TXNDC16: variants seen among roughly 807,000 people sequenced by gnomAD.
The protein encoded by TXNDC16 is thioredoxin domain-containing protein 16.
Under a neutral mutation model 85.6 loss-of-function variants are expected in TXNDC16, and 74 were observed. That is an observed-to-expected ratio of 0.86 (90% CI 0.72 to 1.05). The LOEUF (loss-of-function observed/expected upper bound fraction) is 1.05, where lower values mean the gene tolerates loss of function less well. Ranked by LOEUF, TXNDC16 falls within the 50% of genes least tolerant of loss-of-function variation. The pLI, the probability that TXNDC16 is intolerant of heterozygous loss-of-function variation, is 0.00. For synonymous variants in TXNDC16, 335 were observed against 326.5 expected, an observed-to-expected ratio of 1.03 and a Z score of -0.28; for missense variants, 959 against 947.0, an observed-to-expected ratio of 1.01 and a Z score of -0.17.
chr14:52,527,112 G>A (rs903761116), intron 6 of TXNDC16, among the ~76,000 whole-genome samples: 1 of 152,194 alleles, frequency 6.6e-6, no homozygotes, highest in African/African-American at 2.4e-5. Flanking sequence ...TTGTTTCCCT[G>A]AGTTCTGTGA....
intron 14 of TXNDC16, among the ~76,000 whole-genome samples, chr14:52,480,814 T>C (rs2036126526): frequency 6.6e-6 from 1 of 151,658 alleles, no homozygotes; most frequent in African/African-American, 2.4e-5. Context: ...CCACTACTGG[T>C]TACCCAAAGG....
intron 20 of TXNDC16, among the ~76,000 whole-genome samples, chr14:52,436,611 A>G (rs1038059885): frequency 1.3e-5 from 2 of 152,198 alleles, no homozygotes; most frequent in Admixed American, 6.5e-5. Flanking sequence ...ATTTTATTTA[A>G]GCATAATATG....
intron 9 of TXNDC16, among the ~76,000 whole-genome samples, chr14:52,507,369 A>G (rs1216656545): frequency 6.6e-6 from 1 of 152,044 alleles, no homozygotes; most frequent in East Asian, 1.9e-4. Context: ...GATGTGAAGG[A>G]CCTCTTCAAG....
intron 16 of TXNDC16, among the ~76,000 whole-genome samples, chr14:52,465,711 C>T (rs1447290911): frequency 2.0e-5 from 3 of 151,822 alleles, no homozygotes; most frequent in Non-Finnish European, 2.9e-5. Flanking sequence ...CTATGTGTAC[C>T]CTTCCTTAAA....
Position 52,480,963 on chromosome 14 carries a change from A to G in TXNDC16, c.1312+1267T>C, listed in dbSNP as rs77113253. On this transcript the variant is annotated intron_variant, in intron 14 of 20. Transcript: ENST00000281741. The stretch of plus-strand genomic sequence containing the variant: ...CACTGTGGTGTGTGTGTGTGTGTGT[A>G]TATATATATATGTATATATATATAT... 2.6e-3 allele frequency among the ~76,000 whole-genome samples: 201 copies of G among 76,068 alleles called. 1 individual carries two copies. The highest frequency in any genetic ancestry group is 7.5e-3 in the African/African-American group (170 of 22,534). 49.9% of individuals were successfully genotyped at this position (76,068 alleles called of 152,430 possible). A position where few individuals can be genotyped will look rare whatever the true frequency, so the allele number is the denominator to read the frequency against.
intron 18 of TXNDC16, among the ~76,000 whole-genome samples, chr14:52,443,872 G>A (rs1250009468): frequency 6.6e-6 from 1 of 152,124 alleles, no homozygotes; most frequent in Non-Finnish European, 1.5e-5. Context: ...AGATTTGTGA[G>A]TTTAGAAGGA....
intron 16 of TXNDC16, among the ~76,000 whole-genome samples, chr14:52,463,240 C>T (rs1388031332): frequency 6.6e-6 from 1 of 151,078 alleles, no homozygotes; most frequent in Non-Finnish European, 1.5e-5. Flanking sequence ...TAGCTCAGAA[C>T]ACAAAGCCGT....
At chr14:52,468,959 C>A (rs1435380982) in intron 16 of TXNDC16, among the ~76,000 whole-genome samples, 2 of 151,542 alleles carry the variant, frequency 1.3e-5, no homozygotes, top group African/African-American at 2.4e-5. Flanking sequence ...GGAACCTAAA[C>A]TCATTATATG....
chr14:52,443,415 T>G (rs1175757222), intron 18 of TXNDC16, among the ~76,000 whole-genome samples: 1 of 152,208 alleles, frequency 6.6e-6, no homozygotes, highest in Non-Finnish European at 1.5e-5. Flanking sequence ...ATATCTATCC[T>G]ATTAGTTCTG....
intron 16 of TXNDC16, among the ~76,000 whole-genome samples, chr14:52,466,661 T>C (rs2035783024): frequency 6.6e-6 from 1 of 151,902 alleles, no homozygotes; most frequent in Non-Finnish European, 1.5e-5. Context: ...GGTCAGGAGA[T>C]GGAAACCATC....
At chr14:52,498,995 TAGAG>T (rs1231790477) in intron 9 of TXNDC16, among the ~76,000 whole-genome samples, 1 of 151,996 alleles carries the variant, frequency 6.6e-6, no homozygotes, top group Non-Finnish European at 1.5e-5. Flanking sequence ...TGGAACAAAA[TAGAG>T]AGCCCACAAA....
chr14:52,513,888 G>A (rs1259865893), intron 8 of TXNDC16, among the ~76,000 whole-genome samples: 1 of 152,020 alleles, frequency 6.6e-6, no homozygotes, highest in East Asian at 1.9e-4. Flanking sequence ...TGCGGGGCTA[G>A]CATGCAATCA....
intron 12 of TXNDC16, among the ~76,000 whole-genome samples, chr14:52,486,658 G>A (rs1361198347): frequency 6.6e-6 from 1 of 151,632 alleles, no homozygotes; most frequent in Admixed American, 6.6e-5. Flanking sequence ...GTTTTCCTTT[G>A]TAAACGGGAG....
At chr14:52,475,163 C>T (rs1031647994) in intron 14 of TXNDC16, among the ~76,000 whole-genome samples, 1 of 152,152 alleles carries the variant, frequency 6.6e-6, no homozygotes, top group Non-Finnish European at 1.5e-5. Context: ...CAGGAAAATC[C>T]CTGTGGACTA....
chr14:52,530,395 A>T lies in TXNDC16; in HGVS notation c.392+6324T>A, dbSNP rs868549868. 2.6e-3 allele frequency among the ~76,000 whole-genome samples: 44 copies of T among 16,968 alleles called. 2 individuals are homozygous for T. Among genetic ancestry groups the T allele is most frequent in the Middle Eastern group, 0.12 (2 of 16 alleles). The allele number at this position is 16,968 out of a possible 152,430, so 11.1% of individuals were successfully genotyped here. On this transcript the variant is annotated intron_variant, in intron 6 of 20. Transcript: ENST00000281741. ...ATATAATATTATATATAATATTATAATATAATATATAATTATTATATAATA... is the reference window on the plus strand; with the variant it reads ...ATATAATATTATATATAATATTATATTATAATATATAATTATTATATAATA...
intron 18 of TXNDC16, among the ~76,000 whole-genome samples, chr14:52,450,123 C>T (rs2035373668): frequency 6.6e-6 from 1 of 151,610 alleles, no homozygotes; most frequent in Admixed American, 6.6e-5. Flanking sequence ...ATGAAGAGAA[C>T]AATACAAAAC....
intron 18 of TXNDC16, among the ~76,000 whole-genome samples, chr14:52,451,228 A>G (rs2035404222): frequency 6.6e-6 from 1 of 151,732 alleles, no homozygotes; most frequent in Non-Finnish European, 1.5e-5. Flanking sequence ...CCATGTAACC[A>G]AATCCCACTT....
At chr14:52,510,204 T>C (rs2036923700) in intron 9 of TXNDC16, among the ~76,000 whole-genome samples, 1 of 152,142 alleles carries the variant, frequency 6.6e-6, no homozygotes, top group African/African-American at 2.4e-5. Flanking sequence ...AATAAACATA[T>C]GAAGTTAATT....
chr14:52,530,975 T>C (rs976622224), intron 6 of TXNDC16, among the ~76,000 whole-genome samples: 3 of 151,680 alleles, frequency 2.0e-5, no homozygotes, highest in Non-Finnish European at 2.9e-5. Flanking sequence ...ACCCAAAATA[T>C]ACAAAACTCA....
Sources: allele counts gnomAD v4.1 joint callset (sites outside exome capture counted in the v4.1 genomes callset), GRCh38; gene constraint gnomAD v4.1.1; transcripts MANE v1.5; gene names NCBI Gene and HGNC (gene_info 2026-07-23, HGNC 2026-07-21).